SAMTOR: variants seen among roughly 807,000 people sequenced by gnomAD.
The protein encoded by SAMTOR is UPF0532 protein C7orf60.
chr7:112,930,134 C>T, the SAMTOR span, among the ~76,000 whole-genome samples: 4 of 152,064 alleles, frequency 2.6e-5, no homozygotes, highest in Admixed American at 1.3e-4. Flanking sequence ...GTTCAAAGTA[C>T]CTTTAATGGT....
the SAMTOR span, among the ~76,000 whole-genome samples, chr7:112,823,381 C>T: frequency 6.6e-6 from 1 of 152,110 alleles, no homozygotes; most frequent in Non-Finnish European, 1.5e-5. Context: ...TTCCTTATTC[C>T]CCTTTATAGT....
chr7:112,920,619 G>A, the SAMTOR span, among the ~76,000 whole-genome samples: 2 of 146,908 alleles, frequency 1.4e-5, no homozygotes, highest in Admixed American at 1.4e-4. Context: ...GCAGGAGAAG[G>A]AAATAAAGGG....
the SAMTOR span, among the ~76,000 whole-genome samples, chr7:112,917,137 C>T: frequency 6.6e-6 from 1 of 152,248 alleles, no homozygotes; most frequent in Non-Finnish European, 1.5e-5. Flanking sequence ...TGAGAACAGG[C>T]AGACTGCCTC....
the SAMTOR span, among the ~76,000 whole-genome samples, chr7:112,887,515 C>G: frequency 2.0e-5 from 3 of 152,116 alleles, no homozygotes; most frequent in Non-Finnish European, 4.4e-5. Flanking sequence ...TTGTAGAGAA[C>G]TGGTATTCTT....
the SAMTOR span, among the ~76,000 whole-genome samples, chr7:112,930,493 T>C: frequency 7.9e-6 from 1 of 126,590 alleles, no homozygotes; most frequent in Admixed American, 7.9e-5. Context: ...GGACTTTTCA[T>C]ATAAAAACTT....
chr7:112,820,680 C>G, the SAMTOR span: 49 of 151,982 alleles, frequency 3.2e-4, no homozygotes, highest in African/African-American at 1.2e-3. Flanking sequence ...CCACAGCCAA[C>G]TAATTGATAT....
the SAMTOR span, among the ~76,000 whole-genome samples, chr7:112,917,664 A>T: frequency 5.8e-4 from 88 of 152,334 alleles, 1 homozygote; most frequent in Admixed American, 6.5e-4. Flanking sequence ...TAAAGGAGAA[A>T]ATTCAAACCA....
At chr7:112,890,062 C>A in the SAMTOR span, among the ~76,000 whole-genome samples, 1 of 152,024 alleles carries the variant, frequency 6.6e-6, no homozygotes, top group Admixed American at 6.6e-5. Flanking sequence ...AACAAAGATC[C>A]TGGAAATGAG....
At chr7:112,870,886 T>C in the SAMTOR span, among the ~76,000 whole-genome samples, 2 of 152,140 alleles carry the variant, frequency 1.3e-5, no homozygotes, top group African/African-American at 4.8e-5. Context: ...GTCACTATTC[T>C]TTTATCAGAT....
At chr7:112,880,621 A>G in the SAMTOR span, among the ~76,000 whole-genome samples, 2 of 152,226 alleles carry the variant, frequency 1.3e-5, no homozygotes, top group Non-Finnish European at 2.9e-5. Context: ...AGAGGACTTA[A>G]TATCTTAATA....
At chr7:112,858,499 A>G in the SAMTOR span, among the ~76,000 whole-genome samples, 3 of 152,302 alleles carry the variant, frequency 2.0e-5, no homozygotes, top group South Asian at 4.1e-4. Flanking sequence ...TTTAAATTCT[A>G]TAATTTTTAA....
At chr7:112,897,771 A>T in the SAMTOR span, among the ~76,000 whole-genome samples, 1 of 152,196 alleles carries the variant, frequency 6.6e-6, no homozygotes, top group East Asian at 1.9e-4. Context: ...AAGGTGGCCA[A>T]ACAGAATCTT....
chr7:112,849,007 C>A, the SAMTOR span, among the ~76,000 whole-genome samples: 12 of 151,282 alleles, frequency 7.9e-5, no homozygotes, highest in African/African-American at 2.9e-4. Flanking sequence ...CAAGATTGTG[C>A]CACTGCACTC....
the SAMTOR span, among the ~76,000 whole-genome samples, chr7:112,930,652 A>C: frequency 6.6e-6 from 1 of 152,196 alleles, no homozygotes; most frequent in East Asian, 1.9e-4. Context: ...GCATTGAAGC[A>C]GTATAGCTAC....
At chr7:112,939,512 CTT>C in the SAMTOR span, 1 of 1,604,136 alleles carries the variant, frequency 6.2e-7, no homozygotes, top group Non-Finnish European at 8.5e-7. Context: ...ATGGTGGCCT[CTT>C]TGGAGGAGGG....
chr7:112,919,906 T>G, the SAMTOR span, among the ~76,000 whole-genome samples: 6 of 152,192 alleles, frequency 3.9e-5, no homozygotes, highest in African/African-American at 1.4e-4. Context: ...CAGGAAGAAG[T>G]TGAAACTCCA....
chr7:112,876,482 CTG>C, the SAMTOR span, among the ~76,000 whole-genome samples: 1 of 152,142 alleles, frequency 6.6e-6, no homozygotes, highest in Non-Finnish European at 1.5e-5. Context: ...ATCTTCTACT[CTG>C]TGAAATAACG....
At chr7:112,869,851 C>T in the SAMTOR span, among the ~76,000 whole-genome samples, 1,739 of 152,094 alleles carry the variant, frequency 0.011, 9 homozygotes, top group Non-Finnish European at 0.018. Flanking sequence ...GATAATATAA[C>T]CATATTAAGA....
At chr7:112,832,826 T>C in the SAMTOR span, 5 of 581,348 alleles carry the variant, frequency 8.6e-6, no homozygotes, top group African/African-American at 1.9e-5. Context: ...CTGTGAGTTA[T>C]ATCTATTAAT....
Sources: allele counts gnomAD v4.1 joint callset (sites outside exome capture counted in the v4.1 genomes callset), GRCh38; gene constraint gnomAD v4.1.1; transcripts MANE v1.5; gene names NCBI Gene and HGNC (gene_info 2026-07-23, HGNC 2026-07-21).